EXOC6B: variants seen among roughly 807,000 people sequenced by gnomAD.
EXOC6B encodes SEC15 homolog B.
Under a neutral mutation model 113.5 loss-of-function variants are expected in EXOC6B, and 54 were observed. That is an observed-to-expected ratio of 0.48 (90% CI 0.38 to 0.60). The LOEUF (loss-of-function observed/expected upper bound fraction) is 0.60, where lower values mean the gene tolerates loss of function less well. Among genes scored for constraint, EXOC6B ranks in the 20% least tolerant of loss-of-function variants. The pLI, the probability that EXOC6B is intolerant of heterozygous loss-of-function variation, is 0.00. For synonymous variants in EXOC6B, 357 were observed against 339.0 expected (o/e 1.05, Z -0.58); for missense variants, 797 against 977.5 (o/e 0.82, Z 2.46).
chr2:72,469,015 C>T (rs1368729531), intron 17 of EXOC6B, among the ~76,000 whole-genome samples: 2 of 152,106 alleles, frequency 1.3e-5, no homozygotes, highest in Non-Finnish European at 2.9e-5. Context: ...CATACCACTA[C>T]CCTCCAGGCT....
chr2:72,770,029 A>T (rs1016072728), intron 1 of EXOC6B, among the ~76,000 whole-genome samples: 2 of 152,182 alleles, frequency 1.3e-5, no homozygotes, highest in Admixed American at 1.3e-4. Context: ...AAGTCTATAG[A>T]GCTAAAATTT....
intron 18 of EXOC6B, among the ~76,000 whole-genome samples, chr2:72,398,360 C>A (rs951594805): frequency 5.3e-5 from 8 of 152,070 alleles, no homozygotes; most frequent in African/African-American, 1.2e-4. Context: ...ACAAACTGAA[C>A]CTACACATTG....
chr2:72,573,141 C>T, intron 7 of EXOC6B, among the ~76,000 whole-genome samples: 1 of 152,028 alleles, frequency 6.6e-6, no homozygotes, highest in East Asian at 1.9e-4. Flanking sequence ...TTCAATAGGT[C>T]AATGATAAAG....
intron 20 of EXOC6B, among the ~76,000 whole-genome samples, chr2:72,321,022 C>T (rs1054402614): frequency 6.6e-6 from 1 of 151,850 alleles, no homozygotes; most frequent in African/African-American, 2.4e-5. Context: ...AGATGAAAAC[C>T]TCCGCGACAT....
chr2:72,767,105 G>A (rs1289519297), intron 1 of EXOC6B, among the ~76,000 whole-genome samples: 1 of 151,916 alleles, frequency 6.6e-6, no homozygotes, highest in Non-Finnish European at 1.5e-5. Context: ...AAAATTTTTT[G>A]CCTGGCACTA....
intron 18 of EXOC6B, among the ~76,000 whole-genome samples, chr2:72,428,735 C>G (rs1695352342): frequency 6.6e-6 from 1 of 152,168 alleles, no homozygotes; most frequent in South Asian, 2.1e-4. Flanking sequence ...CCCAAAGATC[C>G]CATAACAACA....
At chr2:72,271,249 C>T (rs932110423) in intron 20 of EXOC6B, among the ~76,000 whole-genome samples, 2 of 152,088 alleles carry the variant, frequency 1.3e-5, no homozygotes, top group African/African-American at 2.4e-5. Flanking sequence ...TCTGCATTCT[C>T]TCGAGTTTAA....
intron 6 of EXOC6B, among the ~76,000 whole-genome samples, chr2:72,706,466 G>T (rs1249047962): frequency 6.6e-6 from 1 of 152,166 alleles, no homozygotes. Context: ...CATCTCCTGG[G>T]CTCAAAGCGA....
At chr2:72,605,151 C>A (rs554746799) in intron 6 of EXOC6B, among the ~76,000 whole-genome samples, 1 of 151,580 alleles carries the variant, frequency 6.6e-6, no homozygotes, top group African/African-American at 2.4e-5. Flanking sequence ...GGTGTGATGG[C>A]GGGTGCTTGT....
At chr2:72,208,621 C>T (rs1462419596) in intron 20 of EXOC6B, among the ~76,000 whole-genome samples, 1 of 152,072 alleles carries the variant, frequency 6.6e-6, no homozygotes, top group Non-Finnish European at 1.5e-5. Flanking sequence ...ATTGCTGGGT[C>T]AAATGGGAGC....
intron 6 of EXOC6B, among the ~76,000 whole-genome samples, chr2:72,599,898 A>AC (rs1670304821): frequency 6.6e-6 from 1 of 152,290 alleles, no homozygotes; most frequent in Admixed American, 6.5e-5. Flanking sequence ...CCAAAAAAAA[A>AC]ACAGAAATAA....
chr2:72,189,525 A>T (rs1044007177), intron 20 of EXOC6B, among the ~76,000 whole-genome samples: 8 of 152,352 alleles, frequency 5.3e-5, no homozygotes, highest in Non-Finnish European at 8.8e-5. Context: ...GATTTAAGAC[A>T]TTCAAATATC....
chr2:72,472,765 A>G (rs1377348141), intron 17 of EXOC6B, among the ~76,000 whole-genome samples: 2 of 151,840 alleles, frequency 1.3e-5, no homozygotes, highest in South Asian at 2.1e-4. Flanking sequence ...CTTGAGGTAT[A>G]TTGTTAGATT....
At chr2:72,408,299 T>A (rs1320310616) in intron 18 of EXOC6B, among the ~76,000 whole-genome samples, 1 of 152,120 alleles carries the variant, frequency 6.6e-6, no homozygotes, top group African/African-American at 2.4e-5. Context: ...CCCAAAGTAA[T>A]TCATAGATTC....
intron 2 of EXOC6B, among the ~76,000 whole-genome samples, chr2:72,738,027 T>C (rs889840041): frequency 6.6e-6 from 1 of 152,104 alleles, no homozygotes; most frequent in African/African-American, 2.4e-5. Flanking sequence ...AATGTAAAGA[T>C]TTTTTTAAAA....
chr2:72,729,048 T>G (rs2104765411), intron 5 of EXOC6B, among the ~76,000 whole-genome samples: 1 of 152,302 alleles, frequency 6.6e-6, no homozygotes, highest in South Asian at 2.1e-4. Context: ...TAGCGCATAG[T>G]AGGTACTCGA....
intron 17 of EXOC6B, among the ~76,000 whole-genome samples, chr2:72,479,794 T>C (rs1698966416): frequency 6.6e-6 from 1 of 152,204 alleles, no homozygotes; most frequent in Non-Finnish European, 1.5e-5. Context: ...GACTGTCATT[T>C]CTTCCCATTT....
chr2:72,261,918 T>C (rs62147630), intron 20 of EXOC6B, among the ~76,000 whole-genome samples: 5,906 of 152,196 alleles, frequency 0.039, 140 homozygotes, highest in Non-Finnish European at 0.052. Flanking sequence ...TATGGGCTTA[T>C]TATCATAGCT....
chr2:72,266,807 C>T (rs1416264696), intron 20 of EXOC6B, among the ~76,000 whole-genome samples: 5 of 152,090 alleles, frequency 3.3e-5, no homozygotes, highest in African/African-American at 1.2e-4. Flanking sequence ...TCATTGGTAG[C>T]TTGATGGGGA....
Sources: allele counts gnomAD v4.1 joint callset (sites outside exome capture counted in the v4.1 genomes callset), GRCh38; gene constraint gnomAD v4.1.1; transcripts MANE v1.5; gene names NCBI Gene and HGNC (gene_info 2026-07-23, HGNC 2026-07-21).